Variants in XBP1 observed in about 807,000 individuals in gnomAD.
XBP1 encodes the protein X-box binding protein 1, also known as X-box-binding protein 1.
XBP1 carries 18 observed loss-of-function variants against 34.6 expected under a neutral mutation model. The observed-to-expected ratio is 0.52, with a 90% CI of 0.36 to 0.77. XBP1 has a LOEUF of 0.77. Among genes scored for constraint, XBP1 ranks in the 30% least tolerant of loss-of-function variants. The pLI, the probability that XBP1 is intolerant of heterozygous loss-of-function variation, is 0.00. For synonymous variants in XBP1, 191 were observed against 193.4 expected, an observed-to-expected ratio of 0.99 and a Z score of 0.11; for missense variants, 422 against 464.6, an observed-to-expected ratio of 0.91 and a Z score of 0.84.
intron 3 of XBP1, 129 bp downstream of exon 3, chr22:28,796,948 A>G: frequency 8.2e-7 from 1 of 1,226,644 alleles, no homozygotes; most frequent in South Asian, 1.6e-5. Flanking sequence ...CTGCATGAAA[A>G]TGTCTTAAAA....
chr22:28,797,581 A>T (rs1445389539), intron 2 of XBP1, among the ~76,000 whole-genome samples: 1 of 152,062 alleles, frequency 6.6e-6, no homozygotes, highest in Non-Finnish European at 1.5e-5. Flanking sequence ...AAGAGTTCAA[A>T]ACCAGCCTGG....
exon 3 of XBP1, chr22:28,797,158 A>G: frequency 6.2e-7 from 1 of 1,613,608 alleles, no homozygotes. Flanking sequence ...CTACAAGGCC[A>G]TGAGTTTTCT....
chr22:28,796,845 C>T (rs150636736), intron 3 of XBP1: 1 of 326,424 alleles, frequency 3.1e-6, no homozygotes, highest in African/African-American at 2.2e-5. Flanking sequence ...TCTTAGGGAG[C>T]CATGTAACTT....
In XBP1 at chr22:28,795,368, T is replaced by C. The variant is rs542454555; in HGVS notation, c.938A>G (p.Glu313Gly). 4 of 1,552,352 alleles carry C rather than the reference T, an allele frequency of 2.6e-6. No homozygotes were observed. The Admixed American group carries it at 7.8e-5, about 30-fold the overall frequency. ...TGAAAGCAGATTTGAGATACCCAGCTCCGGAACGAGGTCATCTTCTACAGG... is the reference window on the plus strand; with the variant it reads ...TGAAAGCAGATTTGAGATACCCAGCCCCGGAACGAGGTCATCTTCTACAGG... Residue 313 changes from glutamate (E) to glycine (G), a missense_variant, in exon 6 of 6, where the codon GAG becomes GGG. Glu to Gly is a moderately conservative substitution (Grantham distance 98). Coordinates refer to ENST00000344347, the Ensembl canonical transcript of XBP1.
chr22:28,795,181 A>G lies in XBP1; in HGVS notation c.1125T>C (p.Ser375=), dbSNP rs2031721787. Residue 375 remains serine (S), a synonymous_variant, in exon 6 of 6, where the codon AGT becomes AGC. Transcript: ENST00000344347. ...AACAGTATTGGATCATTCCTTAGAC[A>G]CTAATCAGCTGGGGAAAGAGTTCAT... 7 of 1,506,828 alleles carry G rather than the reference A, an allele frequency of 4.6e-6. No individual in the cohort carries two copies. The South Asian group carries it at 5.3e-5, about 11-fold the overall frequency. The allele number at this position is 1,506,828 out of a possible 1,614,324, so 93.3% of individuals were successfully genotyped here.
At chr22:28,798,964 G>A in intron 2 of XBP1, 93 bp downstream of exon 2, 1 of 1,011,262 alleles carries the variant, frequency 9.9e-7, no homozygotes, top group Admixed American at 2.2e-5. Flanking sequence ...TCTAATAGGG[G>A]CTGAAACAAC....
intron 1 of XBP1, 75 bp downstream of exon 1, chr22:28,800,216 GTCCCCGC>G: frequency 6.8e-7 from 1 of 1,473,694 alleles, no homozygotes; most frequent in Non-Finnish European, 9.2e-7. Context: ...CCAGTGCTGG[GTCCCCGC>G]TCCCAGCCCC....
Position 28,800,362 on chromosome 22 carries a change from GC to G in XBP1, c.162del (p.Leu55CysfsTer13). ...CGCTGTCGCTTGCGCGCCTGGGGCA[GC>G]CCCCCGCTCGCTGCCTCCGGGCTGG... On this transcript the variant is annotated frameshift_variant, in exon 1 of 6. Transcript: ENST00000344347. LOFTEE classifies it high-confidence loss of function. 1 of 1,543,542 alleles carries G rather than the reference GC, an allele frequency of 6.5e-7. No individual in the cohort carries two copies. Among genetic ancestry groups the G allele is most frequent in the Admixed American group, 1.9e-5 (1 of 51,758 alleles).
chr22:28,799,113 G>T, exon 2 of XBP1: 8 of 1,613,998 alleles, frequency 5.0e-6, no homozygotes, highest in Non-Finnish European at 5.9e-6. Flanking sequence ...GCCTTCTTTC[G>T]ATCTCTGGCA....
chr22:28,800,197 G>T, intron 1 of XBP1, 101 bp downstream of exon 1: 1 of 1,364,516 alleles, frequency 7.3e-7, no homozygotes, highest in Non-Finnish European at 1.0e-6. Context: ...ACGGAGCCCT[G>T]CGGGGCGGCC....
At chr22:28,798,768 C>CTT (rs71196604) in intron 2 of XBP1, 12,846 of 125,024 alleles carry the variant, frequency 0.1, 1,065 homozygotes, top group Non-Finnish European at 0.14. Flanking sequence ...CACGCTTGGC[C>CTT]TTTTTTTTTT....
chr22:28,798,253 C>T (rs936195790), intron 2 of XBP1, among the ~76,000 whole-genome samples: 18 of 151,868 alleles, frequency 1.2e-4, no homozygotes, highest in Non-Finnish European at 2.5e-4. Flanking sequence ...CACTTCTGCC[C>T]TCAACAAGCT....
chr22:28,798,433 G>A (rs1483762169), intron 2 of XBP1, among the ~76,000 whole-genome samples: 2 of 147,432 alleles, frequency 1.4e-5, no homozygotes, highest in Non-Finnish European at 3.0e-5. Context: ...GTCAGCCTCC[G>A]GAGCAGCTGG....
chr22:28,797,213 A>G lies in XBP1; in HGVS notation c.325-8T>C, dbSNP rs899832455. 1 of 1,611,824 alleles carries G rather than the reference A, an allele frequency of 6.2e-7. No homozygotes were observed. The highest frequency in any genetic ancestry group is 8.5e-7 in the Non-Finnish European group (1 of 1,179,368). ...TAGCAAAAGTTTTTGGTTCTGGAAG[A>G]AAGTTCATAAGAGGCTATTAAAACA... On this transcript the variant is annotated splice_polypyrimidine_tract_variant and splice_region_variant and intron_variant, in intron 2 of 5. Transcript: ENST00000344347.
At chr22:28,799,206 C>A in intron 1 of XBP1, 53 bp from the exon 2 acceptor site, 1 of 1,434,676 alleles carries the variant, frequency 7.0e-7, no homozygotes, top group Admixed American at 1.9e-5. Flanking sequence ...TTATTTATGT[C>A]TTTATTTGAA....
At chr22:28,796,999 G>C in intron 3 of XBP1, 78 bp downstream of exon 3, 1 of 1,511,942 alleles carries the variant, frequency 6.6e-7, no homozygotes, top group Non-Finnish European at 8.9e-7. Flanking sequence ...CAGAAGTCCA[G>C]ACTGTAAACA....
intron 3 of XBP1, 84 bp from the exon 4 acceptor site, chr22:28,796,276 G>T: frequency 7.4e-7 from 1 of 1,345,622 alleles, no homozygotes; most frequent in Non-Finnish European, 9.9e-7. Flanking sequence ...CAACTTTAAA[G>T]AATTACTTTT....
exon 3 of XBP1, chr22:28,797,109 C>A (rs895910526): frequency 6.2e-7 from 1 of 1,612,076 alleles, no homozygotes; most frequent in Non-Finnish European, 8.5e-7. Context: ...GCAACCAGGG[C>A]ATCCATCCCC....
chr22:28,800,521 C>G, exon 1 of XBP1: 1 of 1,491,384 alleles, frequency 6.7e-7, no homozygotes, highest in Non-Finnish European at 8.9e-7. Flanking sequence ...GCCACCACCA[C>G]CATAGCTCCA....
Sources: allele counts gnomAD v4.1 joint callset (sites outside exome capture counted in the v4.1 genomes callset), GRCh38; gene constraint gnomAD v4.1.1; transcripts MANE v1.5; gene names NCBI Gene and HGNC (gene_info 2026-07-23, HGNC 2026-07-21).